Variants in PLCE1 observed in about 807,000 individuals in gnomAD.
PLCE1 encodes the protein phospholipase C epsilon 1, also known as 1-phosphatidylinositol 4,5-bisphosphate phosphodiesterase epsilon-1.
In PLCE1, 119 loss-of-function variants were observed where a neutral mutation model predicts 242.8. That is an observed-to-expected ratio of 0.49 (90% CI 0.42 to 0.57). PLCE1 has a LOEUF of 0.57. Ranked by LOEUF, PLCE1 falls within the 20% of genes least tolerant of loss-of-function variation. The probability of loss-of-function intolerance (pLI) is 0.00; values close to 1 mark genes in which losing one functional copy is unlikely to be tolerated. For synonymous variants in PLCE1, 945 were observed against 1,017.4 expected, an observed-to-expected ratio of 0.93 and a Z score of 1.35; for missense variants, 2,441 against 2,788.8, an observed-to-expected ratio of 0.88 and a Z score of 2.81.
rs72812693 is a variant in PLCE1 at position 94,114,153 on chromosome 10, C to T, written c.1207-18021C>T. On this transcript the variant is annotated intron_variant, in intron 2 of 32. Transcript: ENST00000371380. Reference sequence around the variant, plus strand: ...TCTTTGAATGGTTGCAAAGTCGCAGCCGAAGGTGACTAGCCCAGAATGCTC... The same window carrying T: ...TCTTTGAATGGTTGCAAAGTCGCAGTCGAAGGTGACTAGCCCAGAATGCTC... 1.9e-3 allele frequency among the ~76,000 whole-genome samples: 289 copies of T among 152,238 alleles called. 1 individual carries two copies. The highest frequency in any genetic ancestry group is 3.2e-3 in the Non-Finnish European group (215 of 68,026).
chr10:94,312,400 G>C (rs1336450874), intron 27 of PLCE1, among the ~76,000 whole-genome samples: 1 of 152,202 alleles, frequency 6.6e-6, no homozygotes, highest in East Asian at 1.9e-4. Flanking sequence ...CAACAGGTTA[G>C]TTGTAGAACT....
intron 2 of PLCE1, chr10:94,106,110 G>A (rs1404960670): frequency 6.6e-6 from 1 of 152,152 alleles, no homozygotes; most frequent in Non-Finnish European, 1.5e-5. Flanking sequence ...AGCCACTATG[G>A]CATGGCTAGC....
rs2050687979 is a variant in PLCE1 at position 94,246,538 on chromosome 10, C to T, written c.3013C>T (p.Leu1005Phe). ...AKMLFSGLLE[L>F]TRAVRKMRKF... ...AATGCTCTTCAGCGGATTATTGGAA[C>T]TCACTAGAGCTGTGAGAAAGATGAG... is the stretch of plus-strand genomic sequence containing the variant. Residue 1005 changes from leucine to phenylalanine, a missense_variant, in exon 8 of 33, where the codon CTC becomes TTC. Leu to Phe is a conservative substitution (Grantham distance 22, BLOSUM62 0). Coordinates refer to ENST00000371380, the MANE Select transcript of PLCE1 (RefSeq NM_016341.4). 1 of 1,613,928 alleles carries T rather than the reference C, an allele frequency of 6.2e-7. No individual in the cohort carries two copies. The highest frequency in any genetic ancestry group is 1.7e-5 in the Admixed American group (1 of 60,004).
chr10:94,136,921 G>A (rs1298540612), intron 3 of PLCE1, among the ~76,000 whole-genome samples: 3 of 152,200 alleles, frequency 2.0e-5, no homozygotes, highest in Non-Finnish European at 2.9e-5. Context: ...GGCCGGGCGT[G>A]GTGGCTCACG....
chr10:94,316,754 GAAGT>G lies in PLCE1; in HGVS notation c.6342+3_6342+6del. On this transcript the variant is annotated splice_donor_variant and coding_sequence_variant, in exon 29 of 33. Coordinates refer to ENST00000371380, the MANE Select transcript of PLCE1 (RefSeq NM_016341.4). LOFTEE classifies it high-confidence loss of function. ...CAGGATTGTCTTAAAAACCCAGCAG[GAAGT>G]AAGTGTGTCTGGGTGCAGCCTACAC... The G allele has an allele frequency of 3.7e-6, 6 of 1,609,670 alleles. No individual in the cohort carries two copies. In the South Asian group the frequency reaches 5.5e-5, roughly 15 times the overall value.
intron 27 of PLCE1, among the ~76,000 whole-genome samples, chr10:94,312,921 C>T (rs1177919361): frequency 6.6e-6 from 1 of 152,182 alleles, no homozygotes; most frequent in Non-Finnish European, 1.5e-5. Context: ...ATTTCTAGCC[C>T]AGTACCCTGA....
In PLCE1 at chr10:94,328,470, C is replaced by T. The variant is rs1308080351; in HGVS notation, c.*527C>T. 2 of 152,518 alleles carry T rather than the reference C, an allele frequency of 1.3e-5. No individual in the cohort carries two copies. The highest frequency in any genetic ancestry group is 2.9e-5 in the Non-Finnish European group (2 of 68,296). 9.4% of individuals were successfully genotyped at this position (152,518 alleles called of 1,614,324 possible). ...TTTCAACCATTTAAAAACTTAAAAACTATTCTTAATTCAGGGGCCATACAA... is the reference window on the plus strand; with the variant it reads ...TTTCAACCATTTAAAAACTTAAAAATTATTCTTAATTCAGGGGCCATACAA... On this transcript the variant is annotated 3_prime_UTR_variant, in exon 33 of 33. Transcript: ENST00000371380.
chr10:94,031,794 C>A lies in PLCE1; in HGVS notation c.748C>A (p.Gln250Lys), dbSNP rs1193922904. ...CAAAAATTGTGATAATAAGAATGAGCAGCTGCAGTGTGATCATTGTGACAC... is the reference window on the plus strand; with the variant it reads ...CAAAAATTGTGATAATAAGAATGAGAAGCTGCAGTGTGATCATTGTGACAC... ...LAKNCDNKNE[Q>K]LQCDHCDTLN... The change falls in exon 2 of 33, where the codon CAG becomes AAG. Residue 250 changes from glutamine (Q) to lysine (K), a missense_variant. This residue lies in a region of PLCE1 where 393 missense variants were observed against 378.5 expected (regional missense o/e 1.04). Transcript: ENST00000371380. 2 of 1,613,758 alleles carry A rather than the reference C, an allele frequency of 1.2e-6. No homozygotes were observed. Among genetic ancestry groups the A allele is most frequent in the Admixed American group, 3.3e-5 (2 of 59,944 alleles).
At chr10:94,076,464 G>A (rs1359388805) in intron 2 of PLCE1, among the ~76,000 whole-genome samples, 3 of 152,090 alleles carry the variant, frequency 2.0e-5, no homozygotes, top group Non-Finnish European at 2.9e-5. Flanking sequence ...GGTTGGAGGG[G>A]TCAGTGTGAA....
intron 10 of PLCE1, 88 bp downstream of exon 10, chr10:94,254,395 G>A: frequency 1.1e-6 from 1 of 905,544 alleles, no homozygotes; most frequent in South Asian, 1.3e-5. Flanking sequence ...TGTGATTTAA[G>A]CATTGCAAAC....
At chr10:94,170,951 C>T (rs960241444) in intron 3 of PLCE1, among the ~76,000 whole-genome samples, 1 of 152,096 alleles carries the variant, frequency 6.6e-6, no homozygotes, top group African/African-American at 2.4e-5. Flanking sequence ...GGAAAACCAA[C>T]CCTACCACCA....
rs750356564 is a variant in PLCE1 at position 94,331,002 on chromosome 10, G to C, written c.*3059G>C. ...AGCATCACTGAAAGTGAAGAGAAAG[G>C]AGCATGAATTCTGTCACTCTATTCA... On this transcript the variant is annotated 3_prime_UTR_variant, in exon 33 of 33. Transcript: ENST00000371380. 7.2e-5 allele frequency: 11 copies of C among 152,194 alleles called. No individual in the cohort carries two copies. Among genetic ancestry groups the C allele is most frequent in the Non-Finnish European group, 1.3e-4 (9 of 68,034 alleles). 9.4% of individuals were successfully genotyped at this position (152,194 alleles called of 1,614,324 possible).
Position 94,324,429 on chromosome 10 carries a change from G to C in PLCE1, c.6582G>C (p.Val2194=). 6.2e-7 allele frequency: 1 copy of C among 1,614,150 alleles called. No individual in the cohort carries two copies. Among genetic ancestry groups the C allele is most frequent in the Admixed American group, 1.7e-5 (1 of 60,010 alleles). Residue 2194 remains valine (V), a synonymous_variant, in exon 31 of 33, where the codon GTG becomes GTC. Coordinates refer to ENST00000371380, the MANE Select transcript of PLCE1 (RefSeq NM_016341.4). ...ACTATGTGCTTTTGGAAGAGGTGGT[G>C]AAAGACACTACCAACAAGAAGACTA... is the stretch of plus-strand genomic sequence containing the variant. The part of the protein sequence containing the change: ...PSDYVLLEEV[V]KDTTNKKTTT...
chr10:94,210,995 C>G (rs1297910410), intron 4 of PLCE1, among the ~76,000 whole-genome samples: 2 of 152,232 alleles, frequency 1.3e-5, no homozygotes, highest in Admixed American at 1.3e-4. Context: ...GGGAAAAGTT[C>G]AAGGCCAGCA....
intron 19 of PLCE1, among the ~76,000 whole-genome samples, chr10:94,275,154 A>C (rs769618392): frequency 2.2e-4 from 33 of 152,150 alleles, no homozygotes; most frequent in Non-Finnish European, 4.1e-4. Context: ...AATGAACAGA[A>C]GTCTTTTTTA....
intron 4 of PLCE1, among the ~76,000 whole-genome samples, chr10:94,226,913 C>T (rs1158144289): frequency 6.3e-5 from 9 of 142,234 alleles, no homozygotes; most frequent in East Asian, 4.2e-4. Context: ...AATCTCGGCT[C>T]GCTGCAACCT....
At chr10:94,290,952 T>G (rs2052624683) in intron 22 of PLCE1, among the ~76,000 whole-genome samples, 1 of 152,168 alleles carries the variant, frequency 6.6e-6, no homozygotes, top group Non-Finnish European at 1.5e-5. Flanking sequence ...CAGAAGGTGA[T>G]AGGAATTTCT....
At chr10:94,324,074 A>C (rs549569016) in intron 30 of PLCE1, among the ~76,000 whole-genome samples, 2 of 152,310 alleles carry the variant, frequency 1.3e-5, no homozygotes, top group African/African-American at 4.8e-5. Flanking sequence ...ATATCCTGGA[A>C]TCTACTTAAC....
chr10:94,071,147 C>G (rs114149788), intron 2 of PLCE1, among the ~76,000 whole-genome samples: 2,129 of 152,166 alleles, frequency 0.014, 57 homozygotes, highest in African/African-American at 0.048. Context: ...GAAATTAACC[C>G]CTATTCCACC....
Sources: allele counts gnomAD v4.1 joint callset (sites outside exome capture counted in the v4.1 genomes callset), GRCh38; gene constraint gnomAD v4.1.1; regional missense constraint gnomAD v4.1.1; transcripts MANE v1.5; gene names NCBI Gene and HGNC (gene_info 2026-07-23, HGNC 2026-07-21).